PRKAR2B: variants seen among roughly 807,000 people sequenced by gnomAD.
The protein encoded by PRKAR2B is cAMP-dependent protein kinase type II-beta regulatory subunit.
In PRKAR2B, 14 loss-of-function variants were observed where a neutral mutation model predicts 49.9. The observed-to-expected ratio is 0.28, with a 90% CI of 0.19 to 0.44. The LOEUF is 0.44. Among genes scored for constraint, PRKAR2B ranks in the 20% least tolerant of loss-of-function variants. PRKAR2B has a pLI of 1.00. For missense variants in PRKAR2B, 393 were observed against 537.9 expected, an observed-to-expected ratio of 0.73 and a Z score of 2.67; for synonymous variants, 196 against 197.7, an observed-to-expected ratio of 0.99 and a Z score of 0.07.
At chr7:107,092,957 T>C (rs113294688) in intron 2 of PRKAR2B, among the ~76,000 whole-genome samples, 1 of 152,244 alleles carries the variant, frequency 6.6e-6, no homozygotes, top group African/African-American at 2.4e-5. Flanking sequence ...ACCTCATAGA[T>C]GAGGACTCAT....
At position 107,084,622 on chromosome 7, in the gene PRKAR2B, A is replaced by C. The variant is rs575936884; in HGVS notation, c.343+14306A>C. ...CTATTATAATGACTACCATCTATAT[A>C]CTTTTTTTTTTTTTTTGAGATGGAG... On this transcript the variant is annotated intron_variant, in intron 2 of 10. Transcript: ENST00000265717. Among the ~76,000 whole-genome samples, 280 of 148,482 alleles carry C rather than the reference A, an allele frequency of 1.9e-3. 3 individuals carry two copies. The highest frequency in any genetic ancestry group is 6.5e-3 in the African/African-American group (264 of 40,558).
intron 1 of PRKAR2B, among the ~76,000 whole-genome samples, chr7:107,061,361 C>T (rs1794023506): frequency 6.6e-6 from 1 of 152,106 alleles, no homozygotes; most frequent in Non-Finnish European, 1.5e-5. Context: ...TCTTCCTATC[C>T]ATGAACATGA....
At chr7:107,090,054 T>A (rs543047327) in intron 2 of PRKAR2B, among the ~76,000 whole-genome samples, 1 of 152,354 alleles carries the variant, frequency 6.6e-6, no homozygotes, top group South Asian at 2.1e-4. Flanking sequence ...ATTCTTAACA[T>A]CTGAATTCTC....
At chr7:107,072,774 A>G (rs952658267) in intron 2 of PRKAR2B, among the ~76,000 whole-genome samples, 17 of 152,304 alleles carry the variant, frequency 1.1e-4, no homozygotes, top group African/African-American at 4.1e-4. Context: ...AATGCAGTCA[A>G]TTGTATTTGA....
intron 1 of PRKAR2B, among the ~76,000 whole-genome samples, chr7:107,066,255 C>G (rs1196133256): frequency 6.7e-6 from 1 of 149,936 alleles, no homozygotes; most frequent in Non-Finnish European, 1.5e-5. Context: ...CAATATGTTT[C>G]CTATTTTTTC....
intron 1 of PRKAR2B, among the ~76,000 whole-genome samples, chr7:107,063,989 G>T (rs915999446): frequency 3.9e-5 from 6 of 152,276 alleles, no homozygotes; most frequent in South Asian, 4.1e-4. Flanking sequence ...ACAGTTTTGT[G>T]TATGGAGAAG....
chr7:107,052,454 C>T (rs1486453339), intron 1 of PRKAR2B, among the ~76,000 whole-genome samples: 1 of 152,108 alleles, frequency 6.6e-6, no homozygotes, highest in South Asian at 2.1e-4. Context: ...TTATTTAATA[C>T]TAGTTATTAT....
At chr7:107,106,292 G>T (rs1250920149) in intron 2 of PRKAR2B, among the ~76,000 whole-genome samples, 2 of 152,146 alleles carry the variant, frequency 1.3e-5, no homozygotes, top group African/African-American at 2.4e-5. Flanking sequence ...CCCACTGAAG[G>T]TCTGGATCTG....
chr7:107,067,634 T>G (rs1489857610), intron 1 of PRKAR2B, among the ~76,000 whole-genome samples: 1 of 152,112 alleles, frequency 6.6e-6, no homozygotes, highest in Non-Finnish European at 1.5e-5. Context: ...AAGAAGACAG[T>G]GTAGTTAGAT....
intron 4 of PRKAR2B, among the ~76,000 whole-genome samples, chr7:107,139,098 A>G (rs1218523011): frequency 2.6e-5 from 4 of 152,096 alleles, no homozygotes; most frequent in Non-Finnish European, 5.9e-5. Flanking sequence ...TCATGGATAT[A>G]ATATCATCTT....
chr7:107,109,492 G>A (rs1442837700), intron 2 of PRKAR2B, among the ~76,000 whole-genome samples: 3 of 151,032 alleles, frequency 2.0e-5, no homozygotes. Context: ...CAAACACCTG[G>A]ACTCAAGCAG....
At chr7:107,077,817 T>C (rs1794428436) in intron 2 of PRKAR2B, 1 of 152,226 alleles carries the variant, frequency 6.6e-6, no homozygotes, top group Non-Finnish European at 1.5e-5. Context: ...TAGTTACCTT[T>C]CTAAGGCTTA....
At chr7:107,156,544 G>A (rs1334054958) in intron 8 of PRKAR2B, among the ~76,000 whole-genome samples, 1 of 152,142 alleles carries the variant, frequency 6.6e-6, no homozygotes, top group Non-Finnish European at 1.5e-5. Context: ...GGTGGCTCAC[G>A]CCTGTAATCC....
chr7:107,119,348 G>A (rs79936566), intron 2 of PRKAR2B, among the ~76,000 whole-genome samples: 35 of 152,152 alleles, frequency 2.3e-4, no homozygotes, highest in Non-Finnish European at 4.1e-4. Context: ...CACGAGGGCC[G>A]TGCATTTGGT....
chr7:107,066,049 A>G (rs1337310646), intron 1 of PRKAR2B, among the ~76,000 whole-genome samples: 2 of 152,224 alleles, frequency 1.3e-5, no homozygotes, highest in Admixed American at 1.3e-4. Flanking sequence ...ATCTCTGGTT[A>G]TACAAGCACG....
At chr7:107,108,301 C>T (rs1795114787) in intron 2 of PRKAR2B, among the ~76,000 whole-genome samples, 1 of 152,124 alleles carries the variant, frequency 6.6e-6, no homozygotes, top group Admixed American at 6.6e-5. Context: ...AGTGTCCCGA[C>T]TTACATAGAA....
intron 1 of PRKAR2B, among the ~76,000 whole-genome samples, chr7:107,049,207 A>G (rs1793756488): frequency 6.6e-6 from 1 of 152,366 alleles, no homozygotes; most frequent in Admixed American, 6.5e-5. Context: ...AATACCATTC[A>G]GATTACTCTG....
At chr7:107,146,673 G>A (rs1795900336) in intron 6 of PRKAR2B, among the ~76,000 whole-genome samples, 1 of 152,218 alleles carries the variant, frequency 6.6e-6, no homozygotes, top group African/African-American at 2.4e-5. Flanking sequence ...CCAGTCAGGA[G>A]CTTGGGACCT....
intron 2 of PRKAR2B, among the ~76,000 whole-genome samples, chr7:107,092,210 G>C (rs891404053): frequency 6.6e-6 from 1 of 151,304 alleles, no homozygotes; most frequent in Non-Finnish European, 1.5e-5. Context: ...GTAAGAGTTT[G>C]GATTTTATTC....
Sources: allele counts gnomAD v4.1 joint callset (sites outside exome capture counted in the v4.1 genomes callset), GRCh38; gene constraint gnomAD v4.1.1; transcripts MANE v1.5; gene names NCBI Gene and HGNC (gene_info 2026-07-23, HGNC 2026-07-21).